The following AMPD3 variants were observed in gnomAD, a reference collection of about 807,000 sequenced individuals.
AMPD3 encodes AMP deaminase 3.
In AMPD3, 57 loss-of-function variants were observed where a neutral mutation model predicts 82.3. The observed-to-expected ratio is 0.69, with a 90% CI of 0.56 to 0.86. The LOEUF (loss-of-function observed/expected upper bound fraction) is 0.86. Ranked by LOEUF, AMPD3 falls within the 40% of genes least tolerant of loss-of-function variation. The pLI, the probability that AMPD3 is intolerant of heterozygous loss-of-function variation, is 0.00. For synonymous variants in AMPD3, 381 were observed against 394.7 expected (o/e 0.97, Z 0.41); for missense variants, 870 against 1,003.8 (o/e 0.87, Z 1.80).
intron 2 of AMPD3, among the ~76,000 whole-genome samples, chr11:10,465,939 G>T (rs549003136): frequency 6.6e-6 from 1 of 152,180 alleles, no homozygotes; most frequent in African/African-American, 2.4e-5. Flanking sequence ...GGCTTGGCAG[G>T]TCCCAGCCCC....
chr11:10,483,550 G>A (rs1323023714), intron 4 of AMPD3, among the ~76,000 whole-genome samples: 2 of 152,250 alleles, frequency 1.3e-5, no homozygotes, highest in Admixed American at 6.5e-5. Context: ...ACTTTACATG[G>A]ACAGAGGACC....
At chr11:10,469,847 G>A (rs550447200) in intron 2 of AMPD3, among the ~76,000 whole-genome samples, 2 of 152,044 alleles carry the variant, frequency 1.3e-5, no homozygotes, top group Non-Finnish European at 2.9e-5. Context: ...AGACCATCCC[G>A]GCTAAAAACG....
chr11:10,455,364 A>G lies in AMPD3; in HGVS notation c.-90A>G. On this transcript the variant is annotated 5_prime_UTR_variant, in exon 1 of 15. Coordinates refer to ENST00000396553, the MANE Select transcript of AMPD3 (RefSeq NM_001025389.2). ...GAGGATTGCTCCTGTGGGTCACTTG[A>G]GGCAGGCTCCACCTTCCCCAGGAGG... 1.0e-6 allele frequency: 1 copy of G among 985,294 alleles called. No individual in the cohort carries two copies. The highest frequency in any genetic ancestry group is 1.2e-6 in the Non-Finnish European group (1 of 829,964). The allele number at this position is 985,294 out of a possible 1,614,324, so 61.0% of individuals were successfully genotyped here.
chr11:10,463,702 A>G (rs1382221301), intron 2 of AMPD3, among the ~76,000 whole-genome samples: 1 of 152,228 alleles, frequency 6.6e-6, no homozygotes, highest in Non-Finnish European at 1.5e-5. Flanking sequence ...GCCCAGACTC[A>G]GGGCAAAATG....
intron 6 of AMPD3, chr11:10,488,546 C>G (rs965981525): frequency 2.1e-6 from 1 of 465,172 alleles, no homozygotes; most frequent in Non-Finnish European, 2.8e-6. Flanking sequence ...GCATTGGGAG[C>G]GGGGAGCAGC....
Position 10,496,637 on chromosome 11 carries a change from G to C in AMPD3, c.1431-175G>C, listed in dbSNP as rs552329914. ...AGCTTGCAAACCAAGGCAGAATATT[G>C]CAGACATTGCTGGGAGAGGAGGACA... On this transcript the variant is annotated intron_variant, in intron 9 of 14. Transcript: ENST00000396553. The C allele has an allele frequency of 1.5e-5, 21 of 1,443,220 alleles. No homozygotes were observed. In the African/African-American group the frequency reaches 2.5e-4, roughly 17 times the overall value. The allele number at this position is 1,443,220 out of a possible 1,614,324, so 89.4% of individuals were successfully genotyped here. A position where few individuals can be genotyped will look rare whatever the true frequency, so the allele number is the denominator to read the frequency against.
At chr11:10,500,805 C>G in intron 11 of AMPD3, 3 of 985,406 alleles carry the variant, frequency 3.0e-6, no homozygotes, top group Non-Finnish European at 3.6e-6. Context: ...CGCACACAGA[C>G]GAGGCACACG....
chr11:10,497,870 C>A, intron 10 of AMPD3: 1 of 978,468 alleles, frequency 1.0e-6, no homozygotes, highest in Non-Finnish European at 1.2e-6. Context: ...ACAATTACCC[C>A]GTTACTATCA....
At chr11:10,501,306 G>C (rs1278820732) in intron 11 of AMPD3, 164 bp from the exon 12 acceptor site, 1 of 985,128 alleles carries the variant, frequency 1.0e-6, no homozygotes, top group African/African-American at 1.7e-5. Context: ...CCCAGGGCCT[G>C]GACCTCTGCA....
chr11:10,476,611 A>T (rs1848746820), intron 2 of AMPD3, among the ~76,000 whole-genome samples: 1 of 152,196 alleles, frequency 6.6e-6, no homozygotes, highest in Non-Finnish European at 1.5e-5. Context: ...TTGCATGGAA[A>T]TAAAAACAGT....
At chr11:10,454,802 T>C (rs941989209), upstream of AMPD3, among the ~76,000 whole-genome samples, 2 of 152,246 alleles carry the variant, frequency 1.3e-5, no homozygotes, top group Non-Finnish European at 2.9e-5. Flanking sequence ...CTCCTCCTTC[T>C]GGCAGAATAG....
At chr11:10,460,081 TTTTATATATATA>T (rs1848221697) in intron 1 of AMPD3, among the ~76,000 whole-genome samples, 1 of 144,130 alleles carries the variant, frequency 6.9e-6, no homozygotes, top group African/African-American at 2.6e-5. Flanking sequence ...ATAATATATA[TTTTATATATATA>T]TATATATTTT....
intron 2 of AMPD3, among the ~76,000 whole-genome samples, chr11:10,462,079 A>G (rs1848287787): frequency 1.3e-5 from 2 of 152,146 alleles, no homozygotes; most frequent in Admixed American, 6.5e-5. Flanking sequence ...TGCATTACTA[A>G]TGAACACAGC....
chr11:10,492,778 G>C (rs1364316431), intron 6 of AMPD3, among the ~76,000 whole-genome samples: 1 of 152,202 alleles, frequency 6.6e-6, no homozygotes, highest in Non-Finnish European at 1.5e-5. Flanking sequence ...GGTTGGGCAA[G>C]GGAAAGAGCA....
upstream of AMPD3, chr11:10,451,023 T>A (rs1247944897): frequency 1.3e-6 from 2 of 1,582,910 alleles, no homozygotes; most frequent in Non-Finnish European, 1.7e-6. Context: ...GCCGGCGGCA[T>A]GGCCCTGTCG....
At chr11:10,481,491 C>T (rs1848903955) in intron 3 of AMPD3, 1 of 985,256 alleles carries the variant, frequency 1.0e-6, no homozygotes, top group Non-Finnish European at 1.2e-6. Context: ...TTCCAACGAC[C>T]CTAACTCCTC....
intron 12 of AMPD3, chr11:10,502,211 A>G (rs1311644110): frequency 1.0e-6 from 1 of 985,224 alleles, no homozygotes. Flanking sequence ...CATGGGTCAC[A>G]TTTTTGGGTG....
intron 12 of AMPD3, 39 bp downstream of exon 12, chr11:10,501,629 G>A: frequency 6.2e-7 from 1 of 1,613,966 alleles, no homozygotes; most frequent in Non-Finnish European, 8.5e-7. Context: ...CTGAGTGACT[G>A]CCCTGCCCTG....
upstream of AMPD3, among the ~76,000 whole-genome samples, chr11:10,453,378 G>A (rs1366162988): frequency 2.0e-5 from 3 of 152,222 alleles, no homozygotes; most frequent in Non-Finnish European, 4.4e-5. Flanking sequence ...AATACTTGCT[G>A]AATGTCGACC....
Sources: allele counts gnomAD v4.1 joint callset (sites outside exome capture counted in the v4.1 genomes callset), GRCh38; gene constraint gnomAD v4.1.1; transcripts MANE v1.5; gene names NCBI Gene and HGNC (gene_info 2026-07-23, HGNC 2026-07-21).